The following SRGAP3 variants were observed in gnomAD, a reference collection of about 807,000 sequenced individuals.
SRGAP3 encodes the protein SLIT-ROBO Rho GTPase activating protein 3.
A neutral mutation model predicts 121.1 loss-of-function variants in SRGAP3; 39 were observed. The ratio of observed to expected loss-of-function variants is 0.32; its 90% CI spans 0.25 to 0.42. SRGAP3 has a LOEUF of 0.42. Ranked by LOEUF, SRGAP3 falls within the 10% of genes least tolerant of loss-of-function variation. The probability of loss-of-function intolerance (pLI) is 1.00; values close to 1 mark genes in which losing one functional copy is unlikely to be tolerated. For synonymous variants in SRGAP3, 601 were observed against 570.0 expected (o/e 1.05, Z -0.77); for missense variants, 1,213 against 1,470.6 (o/e 0.82, Z 2.86).
chr3:9,199,647 C>T (rs1389302746), intron 1 of SRGAP3, among the ~76,000 whole-genome samples: 2 of 152,138 alleles, frequency 1.3e-5, no homozygotes, highest in Non-Finnish European at 2.9e-5. Flanking sequence ...TGATCATTTT[C>T]GAGAGCATGG....
intron 4 of SRGAP3, among the ~76,000 whole-genome samples, chr3:9,074,255 A>G (rs1282935888): frequency 6.6e-6 from 1 of 152,190 alleles, no homozygotes; most frequent in Non-Finnish European, 1.5e-5. Context: ...TTTATGCCTC[A>G]TTCTTTCATA....
At chr3:9,131,327 G>A (rs912219634) in intron 1 of SRGAP3, among the ~76,000 whole-genome samples, 1 of 152,052 alleles carries the variant, frequency 6.6e-6, no homozygotes, top group African/African-American at 2.4e-5. Flanking sequence ...AAGAGGGACA[G>A]GCTTTGAACT....
At chr3:9,339,518 AGTGGCAATGTGATATGTGACT>A (rs1227419230) in intron 1 of SRGAP3, among the ~76,000 whole-genome samples, 11 of 152,360 alleles carry the variant, frequency 7.2e-5, no homozygotes, top group African/African-American at 2.4e-4. Flanking sequence ...CATGTGCAGC[AGTGGCAATGTGATATGTGACT>A]GTGGCAATGT....
rs535318078 is a variant in SRGAP3 at position 8,985,620 on chromosome 3, G to C, written c.3199C>G (p.Arg1067Gly). Reference protein sequence around the residue: ...MRPVRPVVQHRSSSSSSSGVG... With the variant: ...MRPVRPVVQHGSSSSSSSGVG... Reference sequence around the variant, plus strand: ...CCCGAGCTGCTGCTGCTGCTGGACCGGTGCTGGACCACCGGCCGCACGGGC... The same window carrying C: ...CCCGAGCTGCTGCTGCTGCTGGACCCGTGCTGGACCACCGGCCGCACGGGC... The change falls in exon 22 of 22, where the codon CGG becomes GGG. Residue 1067 changes from arginine (R) to glycine (G), a missense_variant. By Grantham distance (125) the Arg-to-Gly change is moderately radical. Coordinates refer to ENST00000383836, the MANE Select transcript of SRGAP3 (RefSeq NM_014850.4). This position sits in a 1 kb window ranked among gnomAD's most constrained non-coding sequence, Gnocchi z 5.1. The C allele has an allele frequency of 3.1e-6, 5 of 1,595,798 alleles. No homozygotes were observed. The highest frequency in any genetic ancestry group is 1.3e-5 in the African/African-American group (1 of 74,742).
At chr3:9,229,045 G>A (rs1953103790) in intron 1 of SRGAP3, among the ~76,000 whole-genome samples, 1 of 146,264 alleles carries the variant, frequency 6.8e-6, no homozygotes, top group Admixed American at 6.8e-5. Context: ...GTCCGGCCTG[G>A]GCGACAGAGC....
Position 9,053,134 on chromosome 3 carries a change from G to A in SRGAP3, c.1216C>T (p.Arg406Ter). The A allele has an allele frequency of 6.2e-7, 1 of 1,614,172 alleles. No homozygotes were observed. Among genetic ancestry groups the A allele is most frequent in the Non-Finnish European group, 8.5e-7 (1 of 1,180,042 alleles). Residue 406 changes from arginine (R) to a stop codon, truncating the protein, a stop_gained, in exon 9 of 22, where the codon CGA becomes TGA. Coordinates refer to ENST00000383836, the MANE Select transcript of SRGAP3 (RefSeq NM_014850.4). LOFTEE classifies it high-confidence loss of function. ...FDVSDAFQHS[R>*]STESVKSAAS... is the part of the protein sequence containing the mutation. ...GCCGACTTGACGGACTCTGTCGATC[G>A]ACTGTGTTGGAAGGCATCGGAGACA...
Position 9,316,064 on chromosome 3 carries a change from T to G in SRGAP3, n.442+9946A>C, listed in dbSNP as rs558851422. ...TTAATATTTTATTGTATTTATTTTT[T>G]TTGAGACAGAGTGTCCCTCTGTCAC... is the stretch of plus-strand genomic sequence containing the variant. On this transcript the variant is annotated intron_variant and non_coding_transcript_variant, in intron 3 of 3. Coordinates refer to the SRGAP3 transcript ENST00000490889. Among the ~76,000 whole-genome samples, 264 of 152,276 alleles carry G rather than the reference T, an allele frequency of 1.7e-3. 1 individual carries two copies. Among genetic ancestry groups the G allele is most frequent in the Non-Finnish European group, 2.8e-3 (191 of 68,018 alleles).
intron 3 of SRGAP3, among the ~76,000 whole-genome samples, chr3:9,303,111 G>A (rs1335577999): frequency 6.6e-6 from 1 of 151,932 alleles, no homozygotes; most frequent in African/African-American, 2.4e-5. Flanking sequence ...TTGTTTGTTT[G>A]TTTGTTTGTT....
At chr3:9,062,910 G>C (rs928448710) in intron 5 of SRGAP3, among the ~76,000 whole-genome samples, 2 of 152,100 alleles carry the variant, frequency 1.3e-5, no homozygotes, top group African/African-American at 2.4e-5. Flanking sequence ...GAGTCACATG[G>C]TAACTTAGTC....
At chr3:9,345,233 G>A (rs79352301) in intron 1 of SRGAP3, among the ~76,000 whole-genome samples, 1 of 152,168 alleles carries the variant, frequency 6.6e-6, no homozygotes, top group African/African-American at 2.4e-5. Context: ...GCTCACACAT[G>A]TAATCTCAGC....
intron 9 of SRGAP3, among the ~76,000 whole-genome samples, chr3:9,050,022 T>A (rs1269005044): frequency 6.6e-6 from 1 of 152,134 alleles, no homozygotes; most frequent in African/African-American, 2.4e-5. Context: ...GTATTTCTTG[T>A]AGAGATGGGG....
chr3:9,008,503 T>G (rs1943198271), intron 18 of SRGAP3, among the ~76,000 whole-genome samples: 3 of 148,406 alleles, frequency 2.0e-5, no homozygotes, highest in Admixed American at 6.7e-5. Flanking sequence ...CAGAAGGAGA[T>G]CCAGAAATAA....
At chr3:9,196,052 G>C (rs1324576432) in intron 1 of SRGAP3, among the ~76,000 whole-genome samples, 1 of 152,222 alleles carries the variant, frequency 6.6e-6, no homozygotes, top group Non-Finnish European at 1.5e-5. Context: ...TGTGGCTTTG[G>C]AGGAATCCCA....
chr3:9,291,260 A>G (rs1012933043), intron 3 of SRGAP3, among the ~76,000 whole-genome samples: 2 of 152,180 alleles, frequency 1.3e-5, no homozygotes, highest in African/African-American at 4.8e-5. Context: ...ATTGTCACCT[A>G]TTCCACAAGC....
chr3:9,257,528 G>C (rs1475136790), intron 3 of SRGAP3: 1 of 151,700 alleles, frequency 6.6e-6, no homozygotes, highest in East Asian at 1.9e-4. Flanking sequence ...TTTCTTTATG[G>C]CACCCTAAGC....
At chr3:9,193,133 G>A (rs947194147) in intron 1 of SRGAP3, 1 of 152,272 alleles carries the variant, frequency 6.6e-6, no homozygotes, top group African/African-American at 2.4e-5. Context: ...ACGACTCCCA[G>A]ATTTCTGGCC....
intron 2 of SRGAP3, 58 bp downstream of exon 2, chr3:9,124,667 C>A: frequency 1.9e-6 from 3 of 1,608,480 alleles, no homozygotes; most frequent in African/African-American, 2.7e-5. Context: ...TTGCCACCAA[C>A]TGTCCGCCCA....
At chr3:9,243,634 T>TAAA (rs34944051) in intron 1 of SRGAP3, among the ~76,000 whole-genome samples, 53 of 137,164 alleles carry the variant, frequency 3.9e-4, no homozygotes, top group African/African-American at 6.5e-4. Context: ...GACTCTGTCT[T>TAAA]AAAAAAAAAA....
At chr3:9,154,490 T>C (rs9846275) in intron 1 of SRGAP3, among the ~76,000 whole-genome samples, 27,974 of 151,198 alleles carry the variant, frequency 0.19, 3,198 homozygotes, top group Admixed American at 0.32. Flanking sequence ...TGCAGCTTCA[T>C]TCCTACCTCT....
Sources: allele counts gnomAD v4.1 joint callset (sites outside exome capture counted in the v4.1 genomes callset), GRCh38; gene constraint gnomAD v4.1.1; non-coding constraint Gnocchi (gnomAD v3.1); transcripts MANE v1.5; gene names NCBI Gene and HGNC (gene_info 2026-07-23, HGNC 2026-07-21).